Variants in KCNK13 observed in about 807,000 individuals in gnomAD.
The protein encoded by KCNK13 is potassium two pore domain channel subfamily K member 13.
KCNK13 carries 12 observed loss-of-function variants against 23.4 expected under a neutral mutation model. That is an observed-to-expected ratio of 0.51 (90% confidence interval 0.33 to 0.83). The LOEUF (loss-of-function observed/expected upper bound fraction) is 0.83. KCNK13 is among the 40% of genes least tolerant of loss of function. The pLI is 0.02. For missense variants in KCNK13, 463 were observed against 556.3 expected, an observed-to-expected ratio of 0.83 and a Z score of 1.69; for synonymous variants, 231 against 229.5, an observed-to-expected ratio of 1.01 and a Z score of -0.06.
intron 1 of KCNK13, among the ~76,000 whole-genome samples, chr14:90,182,825 TA>T (rs11298963): frequency 0.29 from 40,615 of 142,080 alleles, 6,434 homozygotes; most frequent in East Asian, 0.73. Context: ...CCCATCTCTT[TA>T]AAAAAAAAAA....
Position 90,180,034 on chromosome 14 carries a change from C to T in KCNK13, c.335-4077C>T, listed in dbSNP as rs1170659968. On this transcript the variant is annotated intron_variant, in intron 1 of 1. Coordinates refer to ENST00000282146, the MANE Select transcript of KCNK13 (RefSeq NM_022054.4). ...CTAATTTCCTTCCCTCCGTTCTGCT[C>T]ATGGCTTGTACCTTGACAGTGATGA... Among the ~76,000 whole-genome samples, 7 of 152,304 alleles carry T rather than the reference C, an allele frequency of 4.6e-5. No individual in the cohort carries two copies. The East Asian group carries it at 1.4e-3, about 29-fold the overall frequency.
chr14:90,114,207 G>A (rs948334322), intron 1 of KCNK13, among the ~76,000 whole-genome samples: 5 of 152,140 alleles, frequency 3.3e-5, no homozygotes, highest in Non-Finnish European at 5.9e-5. Context: ...GCTGCCCTTC[G>A]TGGACTTGTG....
intron 1 of KCNK13, among the ~76,000 whole-genome samples, chr14:90,128,811 C>A (rs1468363375): frequency 6.6e-6 from 1 of 152,068 alleles, no homozygotes. Flanking sequence ...TTTTAAAAAT[C>A]TGATATTTGA....
At chr14:90,101,461 A>T (rs1490497257) in intron 1 of KCNK13, among the ~76,000 whole-genome samples, 1 of 151,980 alleles carries the variant, frequency 6.6e-6, no homozygotes, top group Admixed American at 6.6e-5. Context: ...AAGACTACAA[A>T]TTGGGTTCAG....
chr14:90,097,553 T>C (rs1889426733), intron 1 of KCNK13, among the ~76,000 whole-genome samples: 1 of 152,130 alleles, frequency 6.6e-6, no homozygotes, highest in South Asian at 2.1e-4. Flanking sequence ...AATTTCAGCA[T>C]GAATTTTGGT....
At chr14:90,138,682 T>G (rs149261307) in intron 1 of KCNK13, among the ~76,000 whole-genome samples, 2 of 152,360 alleles carry the variant, frequency 1.3e-5, no homozygotes, top group East Asian at 3.9e-4. Context: ...AAAAATGCCA[T>G]GTACGGCTGT....
intron 1 of KCNK13, among the ~76,000 whole-genome samples, chr14:90,108,953 G>C (rs981226046): frequency 2.4e-4 from 37 of 152,088 alleles, no homozygotes; most frequent in African/African-American, 8.9e-4. Flanking sequence ...GAGGCAGGCA[G>C]ATCACGAGGT....
chr14:90,089,904 T>C (rs2140400297), intron 1 of KCNK13, among the ~76,000 whole-genome samples: 1 of 152,316 alleles, frequency 6.6e-6, no homozygotes, highest in East Asian at 1.9e-4. Context: ...AAGTCAAGAA[T>C]TGAGGTTTGG....
At chr14:90,142,313 CTTTTTT>C (rs59863610) in intron 1 of KCNK13, among the ~76,000 whole-genome samples, 3 of 85,234 alleles carry the variant, frequency 3.5e-5, no homozygotes, top group African/African-American at 5.1e-5. Flanking sequence ...CTGTCCAATT[CTTTTTT>C]TTTTTTTTTT....
At chr14:90,091,826 G>T (rs887305620) in intron 1 of KCNK13, among the ~76,000 whole-genome samples, 1 of 151,578 alleles carries the variant, frequency 6.6e-6, no homozygotes, top group Non-Finnish European at 1.5e-5. Flanking sequence ...GAAAAGCAGT[G>T]GTAGCTATGT....
At chr14:90,181,624 C>T (rs889998730) in intron 1 of KCNK13, among the ~76,000 whole-genome samples, 2 of 152,178 alleles carry the variant, frequency 1.3e-5, no homozygotes, top group Admixed American at 6.5e-5. Context: ...AACAGGTGCT[C>T]AGTAAATTAT....
At chr14:90,146,572 T>G (rs926969502) in intron 1 of KCNK13, among the ~76,000 whole-genome samples, 1 of 152,150 alleles carries the variant, frequency 6.6e-6, no homozygotes, top group Non-Finnish European at 1.5e-5. Context: ...CACCTCAGCC[T>G]CCCAAAGTAC....
At chr14:90,122,421 G>A (rs911517324) in intron 1 of KCNK13, among the ~76,000 whole-genome samples, 3 of 151,580 alleles carry the variant, frequency 2.0e-5, no homozygotes, top group Non-Finnish European at 2.9e-5. Flanking sequence ...GGGTTCAAGC[G>A]ATTCTCCTGC....
intron 1 of KCNK13, among the ~76,000 whole-genome samples, chr14:90,101,123 C>G (rs942770618): frequency 2.0e-5 from 3 of 152,150 alleles, no homozygotes; most frequent in African/African-American, 7.2e-5. Flanking sequence ...GTAACATGGG[C>G]TGATAATAAT....
chr14:90,087,117 CATATATATATACATAT>C (rs1313940555), intron 1 of KCNK13, among the ~76,000 whole-genome samples: 5 of 125,680 alleles, frequency 4.0e-5, no homozygotes, highest in South Asian at 2.6e-4. Context: ...TATATATATA[CATATATATATACATAT>C]ATATATATAT....
intron 1 of KCNK13, among the ~76,000 whole-genome samples, chr14:90,133,442 A>G (rs935951615): frequency 6.6e-6 from 1 of 152,018 alleles, no homozygotes; most frequent in Admixed American, 6.6e-5. Flanking sequence ...GGTGATGCAA[A>G]CGTTCACGGT....
intron 1 of KCNK13, among the ~76,000 whole-genome samples, chr14:90,152,369 C>T (rs1890143329): frequency 6.6e-6 from 1 of 152,184 alleles, no homozygotes; most frequent in African/African-American, 2.4e-5. Flanking sequence ...AACCCCATCT[C>T]TACTAAAAAT....
intron 1 of KCNK13, among the ~76,000 whole-genome samples, chr14:90,163,955 G>A (rs1234203769): frequency 6.6e-6 from 1 of 152,130 alleles, no homozygotes; most frequent in Non-Finnish European, 1.5e-5. Flanking sequence ...GCCTCCCAAA[G>A]TGCTGGGATT....
chr14:90,157,376 A>G (rs1227682866), intron 1 of KCNK13, among the ~76,000 whole-genome samples: 1 of 152,178 alleles, frequency 6.6e-6, no homozygotes, highest in Non-Finnish European at 1.5e-5. Context: ...TAACCACGAA[A>G]AAAAAGTGTC....
Sources: gnomAD v4.1 joint callset for allele counts (sites outside exome capture counted in the v4.1 genomes callset) on GRCh38, gnomAD v4.1.1 for gene constraint, MANE v1.5 for transcripts, NCBI Gene and HGNC (gene_info 2026-07-23, HGNC 2026-07-21) for gene names.